The following MELTF variants were observed in gnomAD, a reference collection of about 807,000 sequenced individuals.
The protein encoded by MELTF is antigen p97 (melanoma associated) identified by monoclonal antibodies 133.2 and 96.5.
MELTF carries 67 observed loss-of-function variants against 83.7 expected under a neutral mutation model. The ratio of observed to expected loss-of-function variants is 0.80; its 90% CI spans 0.66 to 0.98. The LOEUF (loss-of-function observed/expected upper bound fraction) is 0.98, where lower values mean the gene tolerates loss of function less well. Ranked by LOEUF, MELTF falls within the 50% of genes least tolerant of loss-of-function variation. MELTF has a pLI of 0.00. For missense variants in MELTF, 1,002 were observed against 1,035.6 expected (o/e 0.97, Z 0.44); for synonymous variants, 462 against 447.6 (o/e 1.03, Z -0.41).
intron 9 of MELTF, among the ~76,000 whole-genome samples, chr3:197,014,811 C>T (rs1258790405): frequency 6.6e-6 from 1 of 152,072 alleles, no homozygotes; most frequent in Non-Finnish European, 1.5e-5. Context: ...GAGAAATGAG[C>T]AATGTTTGAG....
At chr3:197,010,424 A>G (rs1814917) in intron 10 of MELTF, among the ~76,000 whole-genome samples, 106,480 of 152,188 alleles carry the variant, frequency 0.7, 38,537 homozygotes, top group East Asian at 0.88. Flanking sequence ...TATTTTGAAA[A>G]GGTTATTGAA....
chr3:197,028,036 T>C, intron 1 of MELTF, 126 bp from the exon 2 acceptor site: 1 of 1,121,280 alleles, frequency 8.9e-7, no homozygotes, highest in South Asian at 1.5e-5. Flanking sequence ...AGGGCAGCCC[T>C]GCCCTCCCAC....
intron 2 of MELTF, 85 bp from the exon 3 acceptor site, chr3:197,026,844 C>T: frequency 2.4e-6 from 3 of 1,228,110 alleles, no homozygotes; most frequent in Non-Finnish European, 3.5e-6. Flanking sequence ...TGGCCTGGGG[C>T]CCCACCCCAA....
chr3:197,015,776 C>T (rs1381798516), intron 8 of MELTF, among the ~76,000 whole-genome samples: 1 of 152,094 alleles, frequency 6.6e-6, no homozygotes, highest in Admixed American at 6.5e-5. Flanking sequence ...GGCCAGGGGG[C>T]TAAAGGCAAG....
At position 197,023,600 on chromosome 3, in the gene MELTF, G is replaced by A. The variant is rs542257358; in HGVS notation, c.488-487C>T. Among the ~76,000 whole-genome samples, 26 of 152,330 alleles carry A rather than the reference G, an allele frequency of 1.7e-4. 1 individual carries two copies. The East Asian group carries it at 4.6e-3, about 27-fold the overall frequency. On this transcript the variant is annotated intron_variant, in intron 4 of 15. Transcript: ENST00000296350. ...CTGCATGGTTCTTCCGGCCCTGCCA[G>A]CACCAAAACCCACAAGTATTTATCC...
chr3:197,011,156 G>A lies in MELTF; in HGVS notation c.1234-362C>T, dbSNP rs561784122. 5.3e-5 allele frequency among the ~76,000 whole-genome samples: 8 copies of A among 152,368 alleles called. No homozygotes were observed. Among genetic ancestry groups the A allele is most frequent in the South Asian group, 2.1e-4 (1 of 4,830 alleles). On this transcript the variant is annotated intron_variant, in intron 9 of 15. Transcript: ENST00000296350. The surrounding 1 kb of genome is among the most constrained non-coding windows in gnomAD (Gnocchi z 4.2). The stretch of plus-strand genomic sequence containing the variant: ...GCCAGCCCCCAGACAGCCGGGCACC[G>A]CCTCTCCAGCACCTGGCCAAGGGCC...
Position 197,015,463 on chromosome 3 carries a change from A to G in MELTF, c.1135T>C (p.Cys379Arg), listed in dbSNP as rs756236061. The G allele has an allele frequency of 2.5e-6, 4 of 1,610,568 alleles. No individual in the cohort carries two copies. Among genetic ancestry groups the G allele is most frequent in the Admixed American group, 1.7e-5 (1 of 59,658 alleles). Residue 379 changes from cysteine (C) to arginine (R), a missense_variant, in exon 9 of 16, where the codon TGT (cysteine) becomes CGT (arginine). Physicochemically the swap from Cys to Arg is radical, Grantham distance 180 (BLOSUM62 -3). Transcript: ENST00000296350. ...CGGAAGGCCACGGCCATGTCTCCAC[A>G]CTTCTGGATCTCGGGAGTGGAGAGC... is the stretch of plus-strand genomic sequence containing the variant. Reference protein sequence around the residue: ...CVLSTPEIQKCGDMAVAFRRQ... With the variant: ...CVLSTPEIQKRGDMAVAFRRQ...
intron 14 of MELTF, chr3:197,004,346 G>C (rs1718900852): frequency 3.7e-6 from 2 of 542,132 alleles, no homozygotes; most frequent in Non-Finnish European, 6.7e-6. Context: ...CGGTGCTCCA[G>C]CTCCTGGATG....
intron 9 of MELTF, among the ~76,000 whole-genome samples, chr3:197,014,382 A>ATTTTTTTTTTTTTTTTT (rs1719284653): frequency 1.0e-5 from 1 of 98,392 alleles, no homozygotes; most frequent in East Asian, 3.3e-4. Flanking sequence ...GAATAGGGAG[A>ATTTTTTTTTTTTTTTTT]GTTTTTTTTT....
At chr3:197,010,297 C>T (rs1359338029) in intron 10 of MELTF, among the ~76,000 whole-genome samples, 1 of 152,240 alleles carries the variant, frequency 6.6e-6, no homozygotes, top group Non-Finnish European at 1.5e-5. Flanking sequence ...CTCTGAAGGG[C>T]CACTTTCCAT....
intron 6 of MELTF, among the ~76,000 whole-genome samples, chr3:197,018,322 T>C (rs568454980): frequency 2.1e-5 from 3 of 140,356 alleles, no homozygotes; most frequent in Admixed American, 7.1e-5. Flanking sequence ...TAATTTTTTG[T>C]ATTTTTTTTT....
rs1383894700 is a variant in MELTF at position 197,007,823 on chromosome 3, C to T, written c.1750+834G>A. 6.6e-6 allele frequency among the ~76,000 whole-genome samples: 1 copy of T among 152,208 alleles called. No individual in the cohort carries two copies. The highest frequency in any genetic ancestry group is 2.4e-5 in the African/African-American group (1 of 41,452). Reference sequence around the variant, plus strand: ...GTTTTTTTCCCTGCACGTCTTGCTTCCCATTGTCCAGTCCCCTCCCCACCG... The same window carrying T: ...GTTTTTTTCCCTGCACGTCTTGCTTTCCATTGTCCAGTCCCCTCCCCACCG... On this transcript the variant is annotated intron_variant, in intron 13 of 15. Transcript: ENST00000296350. This position sits in a 1 kb window ranked among gnomAD's most constrained non-coding sequence, Gnocchi z 4.3.
rs940249647 is a variant in MELTF, at chr3:197,011,792, C to A, written c.1234-998G>T. Among the ~76,000 whole-genome samples, 2 of 152,132 alleles carry A rather than the reference C, an allele frequency of 1.3e-5. No homozygotes were observed. The highest frequency in any genetic ancestry group is 2.9e-5 in the Non-Finnish European group (2 of 68,006). ...GCCACACTGGACTCCTCTCTGAGAA[C>A]CTCAGAAGCTAGAACTGAGGGTCTT... On this transcript the variant is annotated intron_variant, in intron 9 of 15. Transcript: ENST00000296350. The surrounding 1 kb of genome is among the most constrained non-coding windows in gnomAD (Gnocchi z 4.2).
rs189585347 is a variant in MELTF at position 197,017,648 on chromosome 3, T to A, written c.713-358A>T. Among the ~76,000 whole-genome samples, 5 of 151,688 alleles carry A rather than the reference T, an allele frequency of 3.3e-5. No individual in the cohort carries two copies. The East Asian group carries it at 5.8e-4, about 18-fold the overall frequency. On this transcript the variant is annotated intron_variant, in intron 6 of 15. Coordinates refer to ENST00000296350, the MANE Select transcript of MELTF (RefSeq NM_005929.6). Reference sequence around the variant, plus strand: ...ATCCCAGCACTTTGGGAGGCCGAGGTGGGCGGATCACGAGGTCAGGAGATC... The same window carrying A: ...ATCCCAGCACTTTGGGAGGCCGAGGAGGGCGGATCACGAGGTCAGGAGATC...
chr3:197,003,761 C>G lies in MELTF; in HGVS notation c.2137+140G>C, dbSNP rs957793818. 7.5e-6 allele frequency: 7 copies of G among 933,868 alleles called. No individual in the cohort carries two copies. The highest frequency in any genetic ancestry group is 6.3e-6 in the Non-Finnish European group (4 of 637,426). 57.8% of individuals were successfully genotyped at this position (933,868 alleles called of 1,614,324 possible). ...CCCGCAGCCTCCTGGCCAAAATCCT[C>G]CCGGGACACCCCACCTGGACTGCTG... On this transcript the variant is annotated intron_variant, in intron 15 of 15. Transcript: ENST00000296350. The surrounding 1 kb of genome is among the most constrained non-coding windows in gnomAD (Gnocchi z 6.2).
rs985120582 is a variant in MELTF at position 197,029,815 on chromosome 3, T to G, written c.-113A>C. 2.7e-6 allele frequency: 2 copies of G among 744,260 alleles called. No homozygotes were observed. Among genetic ancestry groups the G allele is most frequent in the Non-Finnish European group, 3.7e-6 (2 of 544,890 alleles). The allele number at this position is 744,260 out of a possible 1,614,324, so 46.1% of individuals were successfully genotyped here. A position where few individuals can be genotyped will look rare whatever the true frequency, so the allele number is the denominator to read the frequency against. ...CTCGCGCTGGCCCGAGCTCCTTAAG[T>G]GCGGCCGCGAGTTCCCGGGCGGAAT... On this transcript the variant is annotated 5_prime_UTR_variant, in exon 1 of 16. Coordinates refer to ENST00000296350, the MANE Select transcript of MELTF (RefSeq NM_005929.6). The surrounding 1 kb of genome is among the most constrained non-coding windows in gnomAD (Gnocchi z 6.5).
intron 9 of MELTF, 24 bp from the exon 10 acceptor site, chr3:197,010,818 T>C (rs1211411030): frequency 1.2e-6 from 2 of 1,604,500 alleles, no homozygotes; most frequent in Admixed American, 1.7e-5. Context: ...AAGAAGCCAC[T>C]GGGCCGGGGT....
rs1393655181 is a variant in MELTF, at chr3:197,029,299, C to T, written c.49+355G>A. The T allele has an allele frequency of 8.4e-6, 2 of 237,214 alleles. No individual in the cohort carries two copies. The highest frequency in any genetic ancestry group is 1.6e-5 in the Non-Finnish European group (2 of 123,348). The allele number at this position is 237,214 out of a possible 1,614,324, so 14.7% of individuals were successfully genotyped here. A position where few individuals can be genotyped will look rare whatever the true frequency, so the allele number is the denominator to read the frequency against. On this transcript the variant is annotated intron_variant, in intron 1 of 15. Coordinates refer to ENST00000296350, the MANE Select transcript of MELTF (RefSeq NM_005929.6). This position sits in a 1 kb window ranked among gnomAD's most constrained non-coding sequence, Gnocchi z 6.5. ...CGGGGGCTCGGGAGAAAGAGCTGCT[C>T]CGAGCCCCCAAAGTCTTCCTGAGTT...
At chr3:197,005,013 G>C (rs114046770) in intron 14 of MELTF, among the ~76,000 whole-genome samples, 1 of 152,014 alleles carries the variant, frequency 6.6e-6, no homozygotes. Flanking sequence ...AGGAACATGC[G>C]TCAGTTCACA....
Sources: allele counts gnomAD v4.1 joint callset (sites outside exome capture counted in the v4.1 genomes callset), GRCh38; gene constraint gnomAD v4.1.1; non-coding constraint Gnocchi (gnomAD v3.1); transcripts MANE v1.5; gene names NCBI Gene and HGNC (gene_info 2026-07-23, HGNC 2026-07-21).